Variants in GRIN1 observed in about 807,000 individuals in gnomAD.
The protein encoded by GRIN1 is glutamate receptor ionotropic, NMDA 1.
GRIN1 carries 38 observed loss-of-function variants against 103.0 expected under a neutral mutation model. The observed-to-expected ratio is 0.37, with a 90% CI of 0.28 to 0.48. GRIN1 has a LOEUF of 0.48. GRIN1 is among the 20% of genes least tolerant of loss of function. The probability of loss-of-function intolerance (pLI) is 0.98; values close to 1 mark genes in which losing one functional copy is unlikely to be tolerated. For synonymous variants in GRIN1, 544 were observed against 532.7 expected, an observed-to-expected ratio of 1.02 and a Z score of -0.29; for missense variants, 577 against 1,288.9, an observed-to-expected ratio of 0.45 and a Z score of 8.46.
Position 137,163,220 on chromosome 9 carries a change from G to A in GRIN1, c.2223G>A (p.Ser741=). ...WDSAVLEFEA[S]QKCDLVTTGE... ...CGGCGGTGCTGGAGTTCGAGGCCTC[G>A]CAGAAGTGCGACCTGGTGACGACTG... Residue 741 remains serine (S), a synonymous_variant, in exon 16 of 20, where the codon TCG becomes TCA. Transcript: ENST00000371561. 2 of 1,613,692 alleles carry A rather than the reference G, an allele frequency of 1.2e-6. No homozygotes were observed. The highest frequency in any genetic ancestry group is 1.7e-6 in the Non-Finnish European group (2 of 1,179,966).
chr9:137,141,911 T>C (rs1832191509), intron 1 of GRIN1, 102 bp from the exon 2 acceptor site: 2 of 1,249,280 alleles, frequency 1.6e-6, no homozygotes, highest in African/African-American at 2.9e-5. Context: ...CCAGCCCCCC[T>C]TAGCCTGCTG....
rs879705324 is a variant in GRIN1, at chr9:137,167,704, C to A, written c.*177C>A. On this transcript the variant is annotated 3_prime_UTR_variant, in exon 20 of 20. Coordinates refer to ENST00000371561, the MANE Select transcript of GRIN1 (RefSeq NM_007327.4). Reference sequence around the variant, plus strand: ...GGTTGGCCGGCTGGCCGGTCCACCCCGTCCCGGCCCCGCGCGTGCCCCCAG... The same window carrying A: ...GGTTGGCCGGCTGGCCGGTCCACCCAGTCCCGGCCCCGCGCGTGCCCCCAG... The A allele has an allele frequency of 1.6e-5, 25 of 1,602,550 alleles. No individual in the cohort carries two copies. In the Admixed American group the frequency reaches 3.6e-4, roughly 23 times the overall value.
In GRIN1 at chr9:137,161,209, G is replaced by A. The variant is rs762183167; in HGVS notation, c.1339+12G>A. The A allele has an allele frequency of 6.2e-7, 1 of 1,606,678 alleles. No individual in the cohort carries two copies. The highest frequency in any genetic ancestry group is 1.3e-5 in the African/African-American group (1 of 74,842). On this transcript the variant is annotated intron_variant, in intron 9 of 19. Transcript: ENST00000371561. ...GTCGCCGGGCAGCCGTGAGTGCGCG[G>A]GGCAGGGCGCGGGGCGCGGGGCAGG...
chr9:137,156,593 G>T (rs1308085113), intron 4 of GRIN1, 76 bp from the exon 5 acceptor site: 2 of 1,553,458 alleles, frequency 1.3e-6, no homozygotes, highest in Admixed American at 1.9e-5. Flanking sequence ...TGCTCCAGAG[G>T]AGGAGGACCT....
At chr9:137,164,293 A>C in intron 18 of GRIN1, 3 of 318,452 alleles carry the variant, frequency 9.4e-6, no homozygotes, top group Non-Finnish European at 1.2e-5. Flanking sequence ...GCCCCTTGAC[A>C]CCCTTCGGAG....
In GRIN1 at chr9:137,167,846, CCCCGGAGGCG is replaced by C; in HGVS notation, c.*323_*332del. 1 of 1,611,606 alleles carries C rather than the reference CCCCGGAGGCG, an allele frequency of 6.2e-7. No individual in the cohort carries two copies. Among genetic ancestry groups the C allele is most frequent in the South Asian group, 1.1e-5 (1 of 91,082 alleles). On this transcript the variant is annotated 3_prime_UTR_variant, in exon 20 of 20. Transcript: ENST00000371561. ...CTCGGTCAGCACCGTGGTGTGAGGCCCCCGGAGGCGCCCACCTGCCCAGTTAGCCCGGCCA... is the reference window on the plus strand; with the variant it reads ...CTCGGTCAGCACCGTGGTGTGAGGCCCCCACCTGCCCAGTTAGCCCGGCCA...
At chr9:137,156,577 G>C in intron 4 of GRIN1, 92 bp from the exon 5 acceptor site, 1 of 1,519,932 alleles carries the variant, frequency 6.6e-7, no homozygotes, top group Non-Finnish European at 8.9e-7. Flanking sequence ...GGGCTGGGCA[G>C]GTCCCTGCTC....
At chr9:137,164,146 C>A (rs1564365783) in intron 18 of GRIN1, 11 of 564,540 alleles carry the variant, frequency 1.9e-5, no homozygotes, top group Non-Finnish European at 3.2e-5. Flanking sequence ...CTGCTCCAAG[C>A]CTCCGCCTGG....
chr9:137,155,799 C>T (rs1193778666), intron 4 of GRIN1, among the ~76,000 whole-genome samples: 1 of 152,256 alleles, frequency 6.6e-6, no homozygotes, highest in African/African-American at 2.4e-5. Flanking sequence ...CACCTGCAAG[C>T]ACACTGGCAG....
intron 8 of GRIN1, 91 bp downstream of exon 8, chr9:137,158,795 A>G: frequency 4.2e-6 from 4 of 956,614 alleles, no homozygotes; most frequent in Non-Finnish European, 6.8e-6. Context: ...GGTGAGGTCA[A>G]TGAAAGCCAC....
At position 137,145,773 on chromosome 9, in the gene GRIN1, G is replaced by C; in HGVS notation, c.441G>C (p.Gln147His). 1 of 1,613,540 alleles carries C rather than the reference G, an allele frequency of 6.2e-7. No homozygotes were observed. The highest frequency in any genetic ancestry group is 8.5e-7 in the Non-Finnish European group (1 of 1,179,636). ...GCACCGTGCCGCCCTACTCCCACCA[G>C]TCCAGCGTGTGGTTTGAGATGATGC... is the stretch of plus-strand genomic sequence containing the variant. ...FLRTVPPYSH[Q>H]SSVWFEMMRV... Residue 147 changes from glutamine (Q) to histidine (H), a missense_variant, in exon 3 of 20, where the codon CAG becomes CAC. Gln to His is a conservative substitution (Grantham distance 24). This residue lies in a region of GRIN1 where 308 missense variants were observed against 553.6 expected (regional missense o/e 0.56). Coordinates refer to ENST00000371561, the MANE Select transcript of GRIN1 (RefSeq NM_007327.4).
chr9:137,164,385 G>A (rs1833747112), intron 18 of GRIN1: 2 of 239,476 alleles, frequency 8.4e-6, no homozygotes, highest in South Asian at 1.0e-4. Flanking sequence ...TGGTGCCCAG[G>A]TTGTATCCAT....
Position 137,139,612 on chromosome 9 carries a change from C to T in GRIN1, c.126C>T (p.Phe42=), listed in dbSNP as rs1366155237. Residue 42 remains phenylalanine (F), a synonymous_variant, in exon 1 of 20, where the codon TTC becomes TTT. Transcript: ENST00000371561. The surrounding 1 kb of genome is among the most constrained non-coding windows in gnomAD (Gnocchi z 7.7). ...VLSTRKHEQM[F]REAVNQANKR... ...GCACGCGGAAGCACGAGCAGATGTT[C>T]CGCGAGGCCGTGAACCAGGCCAACA... is the stretch of plus-strand genomic sequence containing the variant. 6.2e-7 allele frequency: 1 copy of T among 1,613,774 alleles called. No homozygotes were observed. Among genetic ancestry groups the T allele is most frequent in the East Asian group, 2.2e-5 (1 of 44,874 alleles).
chr9:137,157,168 C>A, intron 6 of GRIN1, 131 bp downstream of exon 6: 1 of 903,342 alleles, frequency 1.1e-6, no homozygotes, highest in South Asian at 1.7e-5. Flanking sequence ...GAGCAGCTCT[C>A]AGGACTAGGC....
chr9:137,164,288 T>C, intron 18 of GRIN1: 2 of 341,004 alleles, frequency 5.9e-6, no homozygotes, highest in Non-Finnish European at 1.1e-5. Flanking sequence ...CCCAAGCCCC[T>C]TGACACCCTT....
At chr9:137,155,525 T>C (rs1391372527) in intron 4 of GRIN1, among the ~76,000 whole-genome samples, 2 of 152,188 alleles carry the variant, frequency 1.3e-5, no homozygotes, top group Non-Finnish European at 2.9e-5. Context: ...CACCTTGGTT[T>C]CCAGTCAAGT....
Position 137,162,286 on chromosome 9 carries a change from T to C in GRIN1, c.1747T>C (p.Phe583Leu), listed in dbSNP as rs200636997. 1 of 1,548,526 alleles carries C rather than the reference T, an allele frequency of 6.5e-7. No individual in the cohort carries two copies. The highest frequency in any genetic ancestry group is 8.7e-7 in the Non-Finnish European group (1 of 1,151,438). Reference protein sequence around the residue: ...VAVMLYLLDRFSPFGRFKVNS... With the variant: ...VAVMLYLLDRLSPFGRFKVNS... Reference sequence around the variant, plus strand: ...CGTGATGCTGTACCTGCTGGACCGCTTCAGGTGAGCGCGACCCGGGGCTCA... The same window carrying C: ...CGTGATGCTGTACCTGCTGGACCGCCTCAGGTGAGCGCGACCCGGGGCTCA... Residue 583 changes from phenylalanine (F) to leucine (L), a missense_variant, in exon 12 of 20, where the codon TTC (phenylalanine) becomes CTC (leucine). This residue lies in a region of GRIN1 where 15 missense variants were observed against 26.4 expected (regional missense o/e 0.57). Coordinates refer to ENST00000371561, the MANE Select transcript of GRIN1 (RefSeq NM_007327.4).
chr9:137,148,316 C>T lies in GRIN1; in HGVS notation c.571-693C>T, dbSNP rs999655464. 7.4e-4 allele frequency: 564 copies of T among 758,306 alleles called. 1 individual carries two copies. Among genetic ancestry groups the T allele is most frequent in the Non-Finnish European group, 2.1e-4 (96 of 458,690 alleles). 47.0% of individuals were successfully genotyped at this position (758,306 alleles called of 1,614,324 possible). A position where few individuals can be genotyped will look rare whatever the true frequency, so the allele number is the denominator to read the frequency against. ...TCTGGCCCAGCCGCCGAGCCGCAGG[C>T]CCAAGCAATGAGGAGAGGCAGCCGG... On this transcript the variant is annotated intron_variant, in intron 3 of 19. Coordinates refer to ENST00000371561, the MANE Select transcript of GRIN1 (RefSeq NM_007327.4).
At chr9:137,149,486 T>A (rs1832719687) in intron 4 of GRIN1, among the ~76,000 whole-genome samples, 1 of 152,196 alleles carries the variant, frequency 6.6e-6, no homozygotes, top group Admixed American at 6.5e-5. Flanking sequence ...GGAAGTGATG[T>A]GCAGGTGTGC....
Sources: gnomAD v4.1 joint callset for allele counts (sites outside exome capture counted in the v4.1 genomes callset) on GRCh38, gnomAD v4.1.1 for gene constraint, gnomAD v4.1.1 regional missense constraint, Gnocchi (gnomAD v3.1) non-coding constraint, MANE v1.5 for transcripts, NCBI Gene and HGNC (gene_info 2026-07-23, HGNC 2026-07-21) for gene names.